OPCML: variants seen among roughly 807,000 people sequenced by gnomAD.
OPCML encodes opioid binding protein/cell adhesion molecule like, also known as opioid-binding protein/cell adhesion molecule.
A neutral mutation model predicts 37.8 loss-of-function variants in OPCML; 13 were observed. That is an observed-to-expected ratio of 0.34 (90% confidence interval 0.22 to 0.55). OPCML has a LOEUF of 0.55. Among genes scored for constraint, OPCML ranks in the 20% least tolerant of loss-of-function variants. The pLI is 0.91. For synonymous variants in OPCML, 176 were observed against 168.8 expected (o/e 1.04, Z -0.33); for missense variants, 341 against 435.6 (o/e 0.78, Z 1.93).
At chr11:132,676,285 A>G (rs1023345135) in intron 2 of OPCML, among the ~76,000 whole-genome samples, 4 of 152,194 alleles carry the variant, frequency 2.6e-5, no homozygotes, top group African/African-American at 9.6e-5. Flanking sequence ...ACATACAAAA[A>G]ATAACTCAAT....
intron 1 of OPCML, among the ~76,000 whole-genome samples, chr11:133,281,689 C>T (rs767171952): frequency 4.0e-5 from 6 of 151,672 alleles, no homozygotes; most frequent in Admixed American, 6.6e-5. Context: ...CAGAAGAAGA[C>T]AGGAAGATGA....
intron 2 of OPCML, among the ~76,000 whole-genome samples, chr11:132,691,214 CTA>C (rs1234593056): frequency 1.3e-5 from 2 of 152,166 alleles, no homozygotes; most frequent in Non-Finnish European, 2.9e-5. Context: ...AAACATTTGA[CTA>C]TGTGAATTGT....
At chr11:133,098,392 T>C (rs917558060) in intron 1 of OPCML, among the ~76,000 whole-genome samples, 6 of 152,008 alleles carry the variant, frequency 3.9e-5, no homozygotes, top group South Asian at 2.1e-4. Context: ...CTTTTTTGTA[T>C]TTTTAATAGA....
intron 2 of OPCML, among the ~76,000 whole-genome samples, chr11:132,706,995 A>T (rs1286997927): frequency 6.6e-6 from 1 of 152,212 alleles, no homozygotes; most frequent in African/African-American, 2.4e-5. Flanking sequence ...CCGCCTTTCA[A>T]TTAACCTTCT....
chr11:133,312,538 CAGCCTGTGTAAACACAGATATA>C (rs1302556609), intron 1 of OPCML, among the ~76,000 whole-genome samples: 2 of 152,140 alleles, frequency 1.3e-5, no homozygotes, highest in Non-Finnish European at 2.9e-5. Context: ...TCCCTTTGCT[CAGCCTGTGTAAACACAGATATA>C]AATGATTGAT....
intron 1 of OPCML, among the ~76,000 whole-genome samples, chr11:133,525,851 T>C (rs1413128571): frequency 6.6e-6 from 1 of 152,202 alleles, no homozygotes; most frequent in Non-Finnish European, 1.5e-5. Flanking sequence ...CAAGGAGCCA[T>C]TCCAATCAAC....
intron 1 of OPCML, among the ~76,000 whole-genome samples, chr11:133,012,062 C>T (rs550703357): frequency 6.6e-6 from 1 of 152,228 alleles, no homozygotes; most frequent in Non-Finnish European, 1.5e-5. Context: ...AAAAATGGTT[C>T]TCTACTGGGG....
chr11:132,762,774 C>T (rs942421322), intron 2 of OPCML, among the ~76,000 whole-genome samples: 3 of 152,164 alleles, frequency 2.0e-5, no homozygotes, highest in African/African-American at 7.2e-5. Flanking sequence ...ATCTGCTGAG[C>T]AAGCCCACTC....
At chr11:132,437,705 AAGAACTG>A (rs1296439324) in intron 4 of OPCML, among the ~76,000 whole-genome samples, 1 of 152,234 alleles carries the variant, frequency 6.6e-6, no homozygotes, top group Admixed American at 6.5e-5. Context: ...ATATTTTAAA[AAGAACTG>A]TCATGATCAA....
chr11:132,606,606 C>G (rs1203761815), intron 3 of OPCML, among the ~76,000 whole-genome samples: 4 of 152,170 alleles, frequency 2.6e-5, no homozygotes, highest in African/African-American at 9.7e-5. Context: ...TAAAGCCATC[C>G]TGCAAGGATC....
intron 1 of OPCML, among the ~76,000 whole-genome samples, chr11:133,160,748 C>T (rs1950130474): frequency 6.6e-6 from 1 of 152,200 alleles, no homozygotes; most frequent in African/African-American, 2.4e-5. Flanking sequence ...ATTCTTTCAG[C>T]CTGGGGAGCA....
At chr11:132,740,140 C>T (rs942145189) in intron 2 of OPCML, among the ~76,000 whole-genome samples, 10 of 152,190 alleles carry the variant, frequency 6.6e-5, no homozygotes, top group African/African-American at 2.2e-4. Flanking sequence ...GATAAATAGT[C>T]AGGAAAAGAT....
intron 1 of OPCML, among the ~76,000 whole-genome samples, chr11:133,482,573 C>T (rs1049522621): frequency 2.0e-5 from 3 of 152,054 alleles, no homozygotes; most frequent in Non-Finnish European, 2.9e-5. Flanking sequence ...CTGCTGAATG[C>T]TCCTGTTACC....
At position 133,392,168 on chromosome 11, in the gene OPCML, C is replaced by T. The variant is rs548587413; in HGVS notation, c.61+140096G>A. Among the ~76,000 whole-genome samples the T allele has an allele frequency of 1.2e-4, 18 of 152,172 alleles. No individual in the cohort carries two copies. The South Asian group carries it at 1.9e-3, about 16-fold the overall frequency. On this transcript the variant is annotated intron_variant, in intron 1 of 7. Transcript: ENST00000524381. ...GTACTAGGCACTTAACATGAATTAA[C>T]GAATTTAATCTTCACAATAATTCTA...
intron 1 of OPCML, among the ~76,000 whole-genome samples, chr11:133,373,630 C>T (rs1944734154): frequency 6.9e-6 from 1 of 145,086 alleles, no homozygotes; most frequent in African/African-American, 2.6e-5. Context: ...GTCTCAGAAA[C>T]ATAAAAAAAA....
At position 132,756,118 on chromosome 11, in the gene OPCML, G is replaced by A. The variant is rs80273891; in HGVS notation, c.147-98799C>T. 5.3e-5 allele frequency among the ~76,000 whole-genome samples: 8 copies of A among 152,284 alleles called. No individual in the cohort carries two copies. The East Asian group carries it at 9.7e-4, about 18-fold the overall frequency. Reference sequence around the variant, plus strand: ...ATGACCTCCTGACCAGGGTGGTGACGGCTGTGCAGTTGAATCATGAGTTGT... The same window carrying A: ...ATGACCTCCTGACCAGGGTGGTGACAGCTGTGCAGTTGAATCATGAGTTGT... On this transcript the variant is annotated intron_variant, in intron 2 of 7. Coordinates refer to ENST00000524381, the MANE Select transcript of OPCML (RefSeq NM_001012393.5).
At chr11:133,074,896 C>A (rs112498103) in intron 1 of OPCML, among the ~76,000 whole-genome samples, 2 of 152,146 alleles carry the variant, frequency 1.3e-5, no homozygotes, top group East Asian at 3.9e-4. Flanking sequence ...TAATGAGAAG[C>A]AAAGTTAAAT....
At chr11:132,710,538 T>A (rs1176544199) in intron 2 of OPCML, among the ~76,000 whole-genome samples, 1 of 152,166 alleles carries the variant, frequency 6.6e-6, no homozygotes, top group Non-Finnish European at 1.5e-5. Flanking sequence ...TGTCAAATGG[T>A]GAGCTTTCAT....
chr11:133,522,802 G>A (rs1490142064), intron 1 of OPCML, among the ~76,000 whole-genome samples: 2 of 152,162 alleles, frequency 1.3e-5, no homozygotes, highest in African/African-American at 4.8e-5. Flanking sequence ...TAAAATGAAA[G>A]CACTCAACTA....
Sources: allele counts gnomAD v4.1 joint callset (sites outside exome capture counted in the v4.1 genomes callset), GRCh38; gene constraint gnomAD v4.1.1; transcripts MANE v1.5; gene names NCBI Gene and HGNC (gene_info 2026-07-23, HGNC 2026-07-21).